Variants in HUS1 observed in about 807,000 individuals in gnomAD.
HUS1 encodes the protein checkpoint protein HUS1.
In HUS1, 31 loss-of-function variants were observed where a neutral mutation model predicts 32.6. The observed-to-expected ratio is 0.95, with a 90% confidence interval of 0.72 to 1.28. HUS1 has a LOEUF of 1.28. Ranked by LOEUF, HUS1 falls within the 50% of genes most tolerant of loss-of-function variation. The pLI is 0.00. For synonymous variants in HUS1, 123 were observed against 116.6 expected (o/e 1.06, Z -0.36); for missense variants, 340 against 337.7 (o/e 1.01, Z -0.05).
At position 47,967,713 on chromosome 7, in the gene HUS1, T is replaced by G; in HGVS notation, c.760+93A>C. 2.7e-6 allele frequency: 3 copies of G among 1,101,230 alleles called. No homozygotes were observed. The East Asian group carries it at 8.0e-5, about 29-fold the overall frequency. 68.2% of individuals were successfully genotyped at this position (1,101,230 alleles called of 1,614,324 possible). On this transcript the variant is annotated intron_variant, in intron 7 of 7. Coordinates refer to ENST00000258774, the MANE Select transcript of HUS1 (RefSeq NM_004507.4). ...TGAGCTTTTTTTTTTTTTTTTGGAT[T>G]TATGAGACTATATGCAATCTGTTAG... is the stretch of plus-strand genomic sequence containing the variant.
rs1788415020 is a variant in HUS1 at position 47,963,616 on chromosome 7, A to G, written c.*1740T>C. On this transcript the variant is annotated 3_prime_UTR_variant, in exon 8 of 8. Transcript: ENST00000258774. The stretch of plus-strand genomic sequence containing the variant: ...ACAAAATATTCCATCCTATTTCAAC[A>G]TTATTAAACATAGGCCAGGCGTGGT... 2 of 152,234 alleles carry G rather than the reference A, an allele frequency of 1.3e-5. No individual in the cohort carries two copies. The highest frequency in any genetic ancestry group is 4.1e-4 in the South Asian group (2 of 4,834). 9.4% of individuals were successfully genotyped at this position (152,234 alleles called of 1,614,324 possible). A position where few individuals can be genotyped will look rare whatever the true frequency, so the allele number is the denominator to read the frequency against.
intron 1 of HUS1, 89 bp from the exon 2 acceptor site, chr7:47,978,905 A>G (rs1432872766): frequency 2.2e-6 from 3 of 1,357,170 alleles, no homozygotes; most frequent in African/African-American, 1.5e-5. Context: ...TTGTTCATCA[A>G]CTTCTCGGTG....
chr7:47,972,478 GAAC>G (rs751341354), intron 5 of HUS1, among the ~76,000 whole-genome samples: 33 of 152,120 alleles, frequency 2.2e-4, no homozygotes, highest in Non-Finnish European at 4.3e-4. Context: ...CTAATTCTCT[GAAC>G]ACTGGTCACT....
intron 7 of HUS1, among the ~76,000 whole-genome samples, chr7:47,966,882 C>T (rs535031254): frequency 6.6e-6 from 1 of 152,330 alleles, no homozygotes; most frequent in Admixed American, 6.5e-5. Flanking sequence ...CTCAGAGCTG[C>T]TTCTCTGGCG....
At chr7:47,978,022 T>C (rs1788742507) in intron 3 of HUS1, among the ~76,000 whole-genome samples, 1 of 152,172 alleles carries the variant, frequency 6.6e-6, no homozygotes, top group South Asian at 2.1e-4. Context: ...CAGTAGCATA[T>C]AAAACATACG....
intron 5 of HUS1, among the ~76,000 whole-genome samples, chr7:47,974,379 T>G (rs1265373091): frequency 6.6e-6 from 1 of 151,346 alleles, no homozygotes; most frequent in Admixed American, 6.6e-5. Context: ...TCCAGAGGGG[T>G]GGTGGGGAAA....
intron 3 of HUS1, 72 bp downstream of exon 3, chr7:47,978,345 A>G (rs1416855409): frequency 1.6e-5 from 21 of 1,303,170 alleles, no homozygotes; most frequent in Non-Finnish European, 2.2e-5. Context: ...ATTGTTAAAA[A>G]GGCTAGGCTA....
chr7:47,964,743 G>C lies in HUS1; in HGVS notation c.*613C>G, dbSNP rs1788440212. 6.6e-6 allele frequency: 1 copy of C among 152,284 alleles called. No individual in the cohort carries two copies. The highest frequency in any genetic ancestry group is 1.5e-5 in the Non-Finnish European group (1 of 68,104). The allele number at this position is 152,284 out of a possible 1,614,324, so 9.4% of individuals were successfully genotyped here. A position where few individuals can be genotyped will look rare whatever the true frequency, so the allele number is the denominator to read the frequency against. On this transcript the variant is annotated 3_prime_UTR_variant, in exon 8 of 8. Transcript: ENST00000258774. ...CCCAGCTAAGAGCTGTGTTGGCTGG[G>C]CCAGCTCTCTAGGCATCAAGAGGGG... is the stretch of plus-strand genomic sequence containing the variant.
chr7:47,968,931 A>G, intron 6 of HUS1: 1 of 282,362 alleles, frequency 3.5e-6, no homozygotes. Context: ...GGAATTGAAT[A>G]GCTGGAAGGG....
At chr7:47,971,227 G>C (rs561443685) in intron 5 of HUS1, 1 of 244,578 alleles carries the variant, frequency 4.1e-6, no homozygotes, top group East Asian at 1.1e-4. Flanking sequence ...AATCTCATGA[G>C]AACATAGCCA....
intron 3 of HUS1, among the ~76,000 whole-genome samples, 200 bp from the exon 4 acceptor site, chr7:47,977,037 G>C (rs966885861): frequency 2.6e-5 from 3 of 116,300 alleles, no homozygotes; most frequent in Admixed American, 9.0e-5. Flanking sequence ...CAGGAACTGG[G>C]AAGTGTGGTG....
intron 1 of HUS1, among the ~76,000 whole-genome samples, chr7:47,979,202 GCTT>G (rs895555379): frequency 3.3e-5 from 5 of 152,076 alleles, no homozygotes; most frequent in African/African-American, 1.2e-4. Context: ...AGCAGTGGCC[GCTT>G]TTTTTTAAAG....
chr7:47,979,347 C>A, intron 1 of HUS1, 121 bp downstream of exon 1: 2 of 1,157,432 alleles, frequency 1.7e-6, no homozygotes, highest in Non-Finnish European at 2.5e-6. Context: ...CCATCCCGGC[C>A]CCATCCTCCC....
At position 47,965,380 on chromosome 7, in the gene HUS1, C is replaced by G; in HGVS notation, c.819G>C (p.Gln273His). ...FDLLHEDVSL[Q>H]YFIPALS ...GCTAGGACAGCGCAGGGATGAAATA[C>G]TGAAGGGACACGTCTTCATGAAGCA... Residue 273 changes from glutamine (Q) to histidine (H), a missense_variant, in exon 8 of 8, where the codon CAG becomes CAC. By Grantham distance (24) the Gln-to-His change is conservative. Transcript: ENST00000258774. The G allele has an allele frequency of 6.2e-7, 1 of 1,613,454 alleles. No homozygotes were observed. Among genetic ancestry groups the G allele is most frequent in the Non-Finnish European group, 8.5e-7 (1 of 1,179,372 alleles).
Position 47,975,519 on chromosome 7 carries a change from G to A in HUS1, c.540+94C>T, listed in dbSNP as rs569536757. 69 of 781,460 alleles carry A rather than the reference G, an allele frequency of 8.8e-5. 1 individual carries two copies. The African/African-American group carries it at 1.1e-3, about 13-fold the overall frequency. The allele number at this position is 781,460 out of a possible 1,614,324, so 48.4% of individuals were successfully genotyped here. A position where few individuals can be genotyped will look rare whatever the true frequency, so the allele number is the denominator to read the frequency against. On this transcript the variant is annotated intron_variant, in intron 5 of 7. Coordinates refer to ENST00000258774, the MANE Select transcript of HUS1 (RefSeq NM_004507.4). ...ATAAGTGGGAACTCGGTTAGGAGGT[G>A]CCCACCTGCATGGACTGCTGCAGGG... is the stretch of plus-strand genomic sequence containing the variant.
At chr7:47,965,709 C>T (rs1788464710) in intron 7 of HUS1, among the ~76,000 whole-genome samples, 1 of 152,174 alleles carries the variant, frequency 6.6e-6, no homozygotes. Flanking sequence ...TCCTGGCAAA[C>T]CACATTCACC....
At position 47,979,586 on chromosome 7, in the gene HUS1, C is replaced by A. The variant is rs1044544136; in HGVS notation, c.-67G>T. The A allele has an allele frequency of 5.5e-6, 7 of 1,284,202 alleles. No individual in the cohort carries two copies. Among genetic ancestry groups the A allele is most frequent in the Non-Finnish European group, 7.9e-6 (7 of 889,150 alleles). 79.6% of individuals were successfully genotyped at this position (1,284,202 alleles called of 1,614,324 possible). A position where few individuals can be genotyped will look rare whatever the true frequency, so the allele number is the denominator to read the frequency against. ...AGAAAAGCGTCGCGCCCTGAGTGTC[C>A]CCGCCCGGAAACACGGCAGCGCGAA... is the stretch of plus-strand genomic sequence containing the variant. On this transcript the variant is annotated 5_prime_UTR_variant, in exon 1 of 8. Transcript: ENST00000258774.
intron 5 of HUS1, among the ~76,000 whole-genome samples, chr7:47,970,963 T>C (rs184210604): frequency 3.9e-5 from 6 of 152,178 alleles, no homozygotes; most frequent in African/African-American, 9.7e-5. Context: ...AAAAAAATCA[T>C]TGGAGAAGTT....
chr7:47,975,725 A>T, intron 4 of HUS1, 38 bp from the exon 5 acceptor site: 4 of 1,200,878 alleles, frequency 3.3e-6, no homozygotes, highest in Non-Finnish European at 4.9e-6. Flanking sequence ...AGTATTAAAA[A>T]TATTAATATA....
Sources: gnomAD v4.1 joint callset for allele counts (sites outside exome capture counted in the v4.1 genomes callset) on GRCh38, gnomAD v4.1.1 for gene constraint, MANE v1.5 for transcripts, NCBI Gene and HGNC (gene_info 2026-07-23, HGNC 2026-07-21) for gene names.